The following DNAH2 variants were observed in gnomAD, a reference collection of about 807,000 sequenced individuals.
DNAH2 encodes the protein dynein axonemal heavy chain 2.
Under a neutral mutation model 523.5 loss-of-function variants are expected in DNAH2, and 323 were observed. That is an observed-to-expected ratio of 0.62 (90% confidence interval 0.56 to 0.68). The LOEUF is 0.68. Ranked by LOEUF, DNAH2 falls within the 30% of genes least tolerant of loss-of-function variation. The pLI, the probability that DNAH2 is intolerant of heterozygous loss-of-function variation, is 0.00. For synonymous variants in DNAH2, 2,093 were observed against 2,177.4 expected (o/e 0.96, Z 1.08); for missense variants, 4,907 against 5,701.5 (o/e 0.86, Z 4.49).
chr17:7,827,599 C>T (rs186802451), intron 77 of DNAH2, among the ~76,000 whole-genome samples: 53 of 152,098 alleles, frequency 3.5e-4, no homozygotes, highest in Non-Finnish European at 3.2e-4. Context: ...GCACCTGCCA[C>T]CCTACCCAGC....
rs758113220 is a variant in DNAH2, at chr17:7,792,861, T to C, written c.7344+6T>C. The C allele has an allele frequency of 9.3e-6, 15 of 1,609,038 alleles. No individual in the cohort carries two copies. In the Admixed American group the frequency reaches 2.3e-4, roughly 25 times the overall value. On this transcript the variant is annotated splice_donor_region_variant and intron_variant, in intron 47 of 85. Transcript: ENST00000572933. ...TTGTCAACATGTCCGCACAGGTGTG[T>C]CGGGGATCCAGGGGCCAGGCTGCCG...
intron 28 of DNAH2, among the ~76,000 whole-genome samples, chr17:7,772,132 G>A (rs998980578): frequency 6.6e-6 from 1 of 152,126 alleles, no homozygotes; most frequent in Non-Finnish European, 1.5e-5. Flanking sequence ...CTGGTCGACT[G>A]GGGGAGACTG....
chr17:7,766,600 T>A, intron 22 of DNAH2, 119 bp downstream of exon 22: 2 of 1,110,144 alleles, frequency 1.8e-6, no homozygotes, highest in Non-Finnish European at 1.2e-6. Flanking sequence ...GAGCTTTTGT[T>A]TGTTTCAGTT....
rs555594150 is a variant in DNAH2 at position 7,797,937 on chromosome 17, C to T, written c.8230+108C>T. On this transcript the variant is annotated intron_variant, in intron 53 of 85. Coordinates refer to ENST00000572933, the MANE Select transcript of DNAH2 (RefSeq NM_020877.5). ...CTCCCAAATCAAGTTCCAGAAGCTG[C>T]CTTTCTCCCTGGCCCCAGATGCCCT... 4.8e-6 allele frequency: 7 copies of T among 1,472,062 alleles called. No homozygotes were observed. In the Admixed American group the frequency reaches 9.0e-5, roughly 19 times the overall value. The allele number at this position is 1,472,062 out of a possible 1,614,324, so 91.2% of individuals were successfully genotyped here.
intron 9 of DNAH2, 62 bp downstream of exon 9, chr17:7,740,000 T>C: frequency 1.4e-6 from 2 of 1,411,222 alleles, no homozygotes; most frequent in Non-Finnish European, 1.9e-6. Context: ...CAGCCAAGAG[T>C]GGGAGGAGTG....
At chr17:7,764,358 T>C in intron 20 of DNAH2, 85 bp downstream of exon 20, 1 of 1,490,718 alleles carries the variant, frequency 6.7e-7, no homozygotes, top group South Asian at 1.3e-5. Context: ...TCGGGGAGAG[T>C]AGAGAAGTGA....
chr17:7,791,293 A>G (rs1388344798), intron 44 of DNAH2, among the ~76,000 whole-genome samples: 1 of 151,644 alleles, frequency 6.6e-6, no homozygotes, highest in East Asian at 1.9e-4. Context: ...CTGGTCTCGA[A>G]CTCGTGACCT....
rs368443919 is a variant in DNAH2 at position 7,816,733 on chromosome 17, C to A, written c.9892C>A (p.Gln3298Lys). The A allele has an allele frequency of 6.8e-6, 11 of 1,613,338 alleles. No homozygotes were observed. The African/African-American group carries it at 1.5e-4, about 22-fold the overall frequency. The change falls in exon 64 of 86, where the codon CAG (glutamine) becomes AAG (lysine). Residue 3298 changes from glutamine (Q) to lysine (K), a missense_variant and splice_region_variant. Gln to Lys is a moderately conservative substitution (Grantham distance 53). Around this residue, in one of 3 missense-constraint regions of DNAH2, gnomAD observed 1,851 missense variants for 2,139.4 expected, o/e 0.87. Transcript: ENST00000572933. ...GEKARWEETV[Q>K]GLEEDLGYLV... ...GAAGGCCAGATGGGAGGAGACAGTCCAGGTGAGATCAGCTGTACTACCTGG... is the reference window on the plus strand; with the variant it reads ...GAAGGCCAGATGGGAGGAGACAGTCAAGGTGAGATCAGCTGTACTACCTGG...
rs35943055 is a variant in DNAH2 at position 7,826,535 on chromosome 17, C to CTTTT, written c.11853+1827_11853+1830dup. 9.4e-3 allele frequency among the ~76,000 whole-genome samples: 1,048 copies of CTTTT among 111,222 alleles called. 34 individuals are homozygous for CTTTT. Among genetic ancestry groups the CTTTT allele is most frequent in the East Asian group, 0.019 (61 of 3,172 alleles). 73.0% of individuals were successfully genotyped at this position (111,222 alleles called of 152,430 possible). ...CCTTGAATATCTGTGTGCCCATCAT[C>CTTTT]TTTTTTTTTTTTTTTTTTTTTTGAG... On this transcript the variant is annotated intron_variant, in intron 77 of 85. Transcript: ENST00000572933.
intron 44 of DNAH2, among the ~76,000 whole-genome samples, chr17:7,790,212 T>A (rs1291415517): frequency 6.6e-6 from 1 of 152,210 alleles, no homozygotes; most frequent in East Asian, 1.9e-4. Context: ...GCTCTTTCCA[T>A]TATTAAGTTG....
chr17:7,733,438 A>T, intron 5 of DNAH2, 123 bp downstream of exon 5: 1 of 829,370 alleles, frequency 1.2e-6, no homozygotes, highest in South Asian at 1.7e-5. Flanking sequence ...ATGCTTATCG[A>T]ATTGGTAGAA....
chr17:7,748,343 C>A (rs1420426356), intron 12 of DNAH2, among the ~76,000 whole-genome samples: 1 of 152,130 alleles, frequency 6.6e-6, no homozygotes, highest in African/African-American at 2.4e-5. Flanking sequence ...CTCTTTTTTC[C>A]CCGGTCACAG....
At position 7,774,743 on chromosome 17, in the gene DNAH2, T is replaced by C; in HGVS notation, c.4502-16T>C. 1.2e-6 allele frequency: 2 copies of C among 1,608,786 alleles called. No individual in the cohort carries two copies. Among genetic ancestry groups the C allele is most frequent in the Non-Finnish European group, 1.7e-6 (2 of 1,175,986 alleles). On this transcript the variant is annotated splice_polypyrimidine_tract_variant and intron_variant, in intron 28 of 85. Transcript: ENST00000572933. Reference sequence around the variant, plus strand: ...GTGGAAATGAATCAAATGTCATTCATCGCTCTTCTTCCCAGGCCTCCTGGA... The same window carrying C: ...GTGGAAATGAATCAAATGTCATTCACCGCTCTTCTTCCCAGGCCTCCTGGA...
chr17:7,783,800 CAAAAAAA>C (rs58121431), intron 39 of DNAH2, among the ~76,000 whole-genome samples: 1 of 102,046 alleles, frequency 9.8e-6, no homozygotes, highest in Non-Finnish European at 2.1e-5. Flanking sequence ...ACCCTGTTTC[CAAAAAAA>C]AAAAAACAAA....
Position 7,758,549 on chromosome 17 carries a change from G to A in DNAH2, c.2106G>A (p.Arg702=), listed in dbSNP as rs1337326865. Residue 702 remains arginine (R), a synonymous_variant, in exon 14 of 86, where the codon CGG becomes CGA. Coordinates refer to ENST00000572933, the MANE Select transcript of DNAH2 (RefSeq NM_020877.5). ...AGGCCCTATTCAAAGAGCGTATTCG[G>A]CTCCTGGATAAGAAGATCCACCCGG... The part of the protein sequence containing the change: ...DEQALFKERI[R]LLDKKIHPGL... The A allele has an allele frequency of 5.0e-6, 8 of 1,614,030 alleles. No individual in the cohort carries two copies. Among genetic ancestry groups the A allele is most frequent in the Non-Finnish European group, 5.9e-6 (7 of 1,180,038 alleles).
In DNAH2 at chr17:7,796,601, G is replaced by A. The variant is rs1219155798; in HGVS notation, c.7812G>A (p.Leu2604=). ...ACAACACCGTGGTACAGCGCTTCCT[G>A]CCCACGCCCACCAAGATGCATTACC... is the stretch of plus-strand genomic sequence containing the variant. ...DMYNTVVQRF[L]PTPTKMHYLF... The change falls in exon 50 of 86, where the codon CTG becomes CTA. Residue 2604 remains leucine (L), a synonymous_variant. Coordinates refer to ENST00000572933, the MANE Select transcript of DNAH2 (RefSeq NM_020877.5). The A allele has an allele frequency of 1.1e-5, 17 of 1,612,750 alleles. No individual in the cohort carries two copies. The highest frequency in any genetic ancestry group is 1.3e-5 in the Non-Finnish European group (15 of 1,179,788).
chr17:7,780,379 A>G lies in DNAH2; in HGVS notation c.5850+95A>G. On this transcript the variant is annotated intron_variant, in intron 37 of 85. Coordinates refer to ENST00000572933, the MANE Select transcript of DNAH2 (RefSeq NM_020877.5). The surrounding 1 kb of genome is among the most constrained non-coding windows in gnomAD (Gnocchi z 4.4). ...TCCCCAAGGGCCTCACAATCAGCTT[A>G]TCCTCTAAGGAACTTAGACTATTGT... 6.4e-7 allele frequency: 1 copy of G among 1,569,552 alleles called. No individual in the cohort carries two copies. Among genetic ancestry groups the G allele is most frequent in the Non-Finnish European group, 8.7e-7 (1 of 1,151,506 alleles).
chr17:7,770,136 C>T, intron 24 of DNAH2, 116 bp from the exon 25 acceptor site: 1 of 1,377,360 alleles, frequency 7.3e-7, no homozygotes, highest in Non-Finnish European at 9.7e-7. Context: ...GCCTGTTTAG[C>T]AAAATGAGTT....
At chr17:7,731,559 T>G (rs958532576) in intron 4 of DNAH2, among the ~76,000 whole-genome samples, 25 of 152,114 alleles carry the variant, frequency 1.6e-4, no homozygotes, top group Non-Finnish European at 1.5e-5. Flanking sequence ...TATATGTATA[T>G]AGCTATAGAA....
Sources: gnomAD v4.1 joint callset for allele counts (sites outside exome capture counted in the v4.1 genomes callset) on GRCh38, gnomAD v4.1.1 for gene constraint, gnomAD v4.1.1 regional missense constraint, Gnocchi (gnomAD v3.1) non-coding constraint, MANE v1.5 for transcripts, NCBI Gene and HGNC (gene_info 2026-07-23, HGNC 2026-07-21) for gene names.